RIC1: variants seen among roughly 807,000 people sequenced by gnomAD.
RIC1 encodes guanine nucleotide exchange factor subunit RIC1.
In RIC1, 88 loss-of-function variants were observed where a neutral mutation model predicts 169.0. The observed-to-expected ratio is 0.52, with a 90% CI of 0.44 to 0.62. The LOEUF (loss-of-function observed/expected upper bound fraction) is 0.62, where lower values mean the gene tolerates loss of function less well. RIC1 is among the 20% of genes least tolerant of loss of function. The pLI is 0.00. For missense variants in RIC1, 1,877 were observed against 1,725.5 expected (o/e 1.09, Z -1.56); for synonymous variants, 790 against 601.5 (o/e 1.31, Z -4.59).
chr9:5,710,929 G>T (rs1822893157), intron 3 of RIC1, among the ~76,000 whole-genome samples: 1 of 152,156 alleles, frequency 6.6e-6, no homozygotes, highest in South Asian at 2.1e-4. Flanking sequence ...TTAATATGAG[G>T]TTTAATATCT....
chr9:5,769,343 G>T, intron 22 of RIC1, 87 bp downstream of exon 22: 1 of 1,613,192 alleles, frequency 6.2e-7, no homozygotes, highest in South Asian at 1.1e-5. Context: ...GATATTCAAG[G>T]AATTATTTTC....
At chr9:5,697,004 G>C (rs927593282) in intron 3 of RIC1, among the ~76,000 whole-genome samples, 1 of 152,172 alleles carries the variant, frequency 6.6e-6, no homozygotes, top group Non-Finnish European at 1.5e-5. Context: ...TGGCTAGTCA[G>C]AACCGAAATG....
chr9:5,675,284 T>C (rs901180454), intron 2 of RIC1, among the ~76,000 whole-genome samples: 2 of 151,948 alleles, frequency 1.3e-5, no homozygotes, highest in Non-Finnish European at 2.9e-5. Flanking sequence ...GAGCAGGTAA[T>C]GGGAACGAGT....
intron 17 of RIC1, among the ~76,000 whole-genome samples, chr9:5,761,940 C>G (rs1826363966): frequency 6.6e-6 from 1 of 152,182 alleles, no homozygotes; most frequent in African/African-American, 2.4e-5. Context: ...CCTCAGTAAC[C>G]TATCCTGATT....
intron 6 of RIC1, among the ~76,000 whole-genome samples, chr9:5,727,484 A>G (rs539157683): frequency 6.6e-5 from 10 of 152,286 alleles, no homozygotes; most frequent in African/African-American, 2.4e-4. Context: ...GGGTTCGAGC[A>G]TCCTTCTTTA....
At chr9:5,712,726 A>G (rs893885185) in intron 3 of RIC1, 17 of 152,232 alleles carry the variant, frequency 1.1e-4, no homozygotes, top group African/African-American at 3.6e-4. Context: ...TCAGTAAATC[A>G]TCACAGACTG....
intron 21 of RIC1, among the ~76,000 whole-genome samples, chr9:5,767,647 G>C (rs1826879233): frequency 6.6e-6 from 1 of 152,136 alleles, no homozygotes; most frequent in Non-Finnish European, 1.5e-5. Flanking sequence ...GAGTGCAATG[G>C]CTTGATCTCG....
Position 5,774,240 on chromosome 9 carries a change from G to T in RIC1, c.4266G>T (p.Val1422=), listed in dbSNP as rs534087193. Residue 1422 remains valine, a synonymous_variant, in exon 26 of 26, where the codon GTG becomes GTT. Transcript: ENST00000414202. ...AGGATGGGACTTACGACTGTTCTGT[G>T]TCCTAACAGTGAGGTTCCATCACAA... ...PFQDGTYDCS[V]S 16 of 1,602,240 alleles carry T rather than the reference G, an allele frequency of 1.0e-5. No individual in the cohort carries two copies. The South Asian group carries it at 1.1e-4, about 11-fold the overall frequency.
intron 1 of RIC1, among the ~76,000 whole-genome samples, chr9:5,646,481 C>G (rs1818520226): frequency 1.3e-5 from 2 of 152,136 alleles, no homozygotes; most frequent in Admixed American, 1.3e-4. Context: ...TAATGCATTA[C>G]TTTTTCTATG....
At chr9:5,649,347 A>G (rs1818681832) in intron 1 of RIC1, among the ~76,000 whole-genome samples, 1 of 152,108 alleles carries the variant, frequency 6.6e-6, no homozygotes, top group South Asian at 2.1e-4. Context: ...CAAATAGATC[A>G]CTTTATGGTG....
At chr9:5,647,407 A>C (rs1818570232) in intron 1 of RIC1, among the ~76,000 whole-genome samples, 1 of 152,208 alleles carries the variant, frequency 6.6e-6, no homozygotes, top group Non-Finnish European at 1.5e-5. Context: ...GGTAGTATTG[A>C]CATCTTAACA....
Position 5,720,729 on chromosome 9 carries a change from G to C in RIC1, c.699G>C (p.Val233=). 1 of 1,609,014 alleles carries C rather than the reference G, an allele frequency of 6.2e-7. No individual in the cohort carries two copies. The highest frequency in any genetic ancestry group is 8.5e-7 in the Non-Finnish European group (1 of 1,178,148). The change falls in exon 6 of 26, where the codon GTG becomes GTC. Residue 233 remains valine, a synonymous_variant. Coordinates refer to ENST00000414202, the MANE Select transcript of RIC1 (RefSeq NM_020829.4). ...NDGKVGFITP[V]SSRFTAEQLH... The stretch of plus-strand genomic sequence containing the variant: ...GTAAAGTTGGATTTATTACACCAGT[G>C]TCAAGTAGATTTACTGCAGAGGTAT...
chr9:5,730,310 A>G (rs1324117543), intron 6 of RIC1, among the ~76,000 whole-genome samples: 1 of 152,212 alleles, frequency 6.6e-6, no homozygotes, highest in African/African-American at 2.4e-5. Flanking sequence ...CAAACAAGAC[A>G]GTAAAGAGTT....
chr9:5,767,948 A>G (rs776115904), intron 21 of RIC1, among the ~76,000 whole-genome samples: 8 of 152,204 alleles, frequency 5.3e-5, no homozygotes, highest in Non-Finnish European at 1.0e-4. Context: ...GCATTTACAT[A>G]CATAGGTCCT....
rs754129159 is a variant in RIC1, at chr9:5,720,643, C to T, written c.613C>T (p.His205Tyr). The T allele has an allele frequency of 1.1e-5, 18 of 1,607,228 alleles. No individual in the cohort carries two copies. In the African/African-American group the frequency reaches 2.1e-4, roughly 19 times the overall value. The change falls in exon 6 of 26, where the codon CAC (histidine) becomes TAC (tyrosine). Residue 205 changes from histidine to tyrosine, a missense_variant. His to Tyr is a moderately conservative substitution (Grantham distance 83, BLOSUM62 2). Around this residue, in one of 3 missense-constraint regions of RIC1, gnomAD observed 1,104 missense variants for 992.0 expected, o/e 1.11. Transcript: ENST00000414202. Reference protein sequence around the residue: ...VGSFLGFTDVHIRDMEYCATL... With the variant: ...VGSFLGFTDVYIRDMEYCATL... ...TTCATTCCTGGGCTTCACAGACGTA[C>T]ACATCAGAGACATGGAATACTGTGC...
intron 2 of RIC1, among the ~76,000 whole-genome samples, chr9:5,678,903 A>T (rs576818801): frequency 1.8e-4 from 27 of 151,888 alleles, no homozygotes; most frequent in African/African-American, 5.6e-4. Context: ...GGTGTTTTAG[A>T]CATGAAGTCC....
intron 3 of RIC1, among the ~76,000 whole-genome samples, chr9:5,709,196 A>G (rs1822781836): frequency 6.6e-6 from 1 of 152,202 alleles, no homozygotes; most frequent in Non-Finnish European, 1.5e-5. Context: ...TCATGTGGCC[A>G]CACCTAATTT....
chr9:5,770,052 TTCC>T (rs745810457), intron 22 of RIC1, 32 bp from the exon 23 acceptor site: 2 of 1,551,862 alleles, frequency 1.3e-6, no homozygotes, highest in Non-Finnish European at 1.7e-6. Flanking sequence ...CTTCAATTTC[TTCC>T]TCCATTTTTT....
intron 2 of RIC1, among the ~76,000 whole-genome samples, chr9:5,685,751 G>C (rs367875425): frequency 2.5e-4 from 37 of 149,428 alleles, no homozygotes; most frequent in South Asian, 1.1e-3. Context: ...AAAAGCAATG[G>C]CAACAAAAGC....
Sources: gnomAD v4.1 joint callset for allele counts (sites outside exome capture counted in the v4.1 genomes callset) on GRCh38, gnomAD v4.1.1 for gene constraint, gnomAD v4.1.1 regional missense constraint, MANE v1.5 for transcripts, NCBI Gene and HGNC (gene_info 2026-07-23, HGNC 2026-07-21) for gene names.